The following PTPRD variants were observed in gnomAD, a reference collection of about 807,000 sequenced individuals.
The protein encoded by PTPRD is protein tyrosine phosphatase receptor type D.
In PTPRD, 34 loss-of-function variants were observed where a neutral mutation model predicts 214.5. The ratio of observed to expected loss-of-function variants is 0.16; its 90% CI spans 0.12 to 0.21. The LOEUF (loss-of-function observed/expected upper bound fraction) is 0.21, where lower values mean the gene tolerates loss of function less well. PTPRD is among the 10% of genes least tolerant of loss of function. The pLI, the probability that PTPRD is intolerant of heterozygous loss-of-function variation, is 1.00. For synonymous variants in PTPRD, 1,128 were observed against 845.7 expected, an observed-to-expected ratio of 1.33 and a Z score of -5.79; for missense variants, 2,545 against 2,398.7, an observed-to-expected ratio of 1.06 and a Z score of -1.27.
At chr9:10,135,434 C>T (rs1590265) in intron 3 of PTPRD, among the ~76,000 whole-genome samples, 5 of 152,092 alleles carry the variant, frequency 3.3e-5, no homozygotes, top group South Asian at 2.1e-4. Context: ...TCATCGGATT[C>T]GCCAAGGTCA....
chr9:8,770,485 T>C (rs2095121555), intron 11 of PTPRD, among the ~76,000 whole-genome samples: 1 of 152,184 alleles, frequency 6.6e-6, no homozygotes, highest in South Asian at 2.1e-4. Context: ...TTTCTCTCAT[T>C]AAATATACTC....
At chr9:9,121,820 A>AAAAAT (rs907925335) in intron 10 of PTPRD, among the ~76,000 whole-genome samples, 4 of 152,162 alleles carry the variant, frequency 2.6e-5, no homozygotes, top group African/African-American at 9.7e-5. Flanking sequence ...TAACTTATGG[A>AAAAAT]AAAATAAAAT....
intron 2 of PTPRD, among the ~76,000 whole-genome samples, chr9:10,414,002 T>C (rs1414418388): frequency 6.6e-6 from 1 of 151,782 alleles, no homozygotes; most frequent in Non-Finnish European, 1.5e-5. Flanking sequence ...TATAAAAACC[T>C]TGGAAGACAA....
At chr9:10,141,862 C>A (rs1054511888) in intron 3 of PTPRD, among the ~76,000 whole-genome samples, 3 of 152,258 alleles carry the variant, frequency 2.0e-5, no homozygotes, top group Admixed American at 1.3e-4. Flanking sequence ...TGCTACAAGG[C>A]TACAGTAACC....
chr9:8,413,442 C>T (rs1391999531), intron 35 of PTPRD, among the ~76,000 whole-genome samples: 2 of 152,034 alleles, frequency 1.3e-5, no homozygotes, highest in African/African-American at 2.4e-5. Flanking sequence ...CAGTCTTTGT[C>T]GGAACTCAGA....
At chr9:9,760,483 C>T (rs1366057022) in intron 6 of PTPRD, among the ~76,000 whole-genome samples, 2 of 151,806 alleles carry the variant, frequency 1.3e-5, no homozygotes, top group Non-Finnish European at 2.9e-5. Context: ...TGTTCATAAC[C>T]TTTATTTCTA....
At chr9:10,018,594 C>G (rs1166286353) in intron 4 of PTPRD, among the ~76,000 whole-genome samples, 1 of 116,652 alleles carries the variant, frequency 8.6e-6, no homozygotes, top group Non-Finnish European at 1.6e-5. Context: ...GTCGCCCAGG[C>G]TGGAGTGCAG....
At chr9:9,461,053 T>C (rs1286609677) in intron 8 of PTPRD, among the ~76,000 whole-genome samples, 7 of 152,048 alleles carry the variant, frequency 4.6e-5, no homozygotes, top group Non-Finnish European at 8.8e-5. Context: ...GCCATTATCC[T>C]ACAGGAATAA....
At chr9:8,410,809 C>T (rs552520171) in intron 35 of PTPRD, among the ~76,000 whole-genome samples, 6 of 152,048 alleles carry the variant, frequency 3.9e-5, no homozygotes, top group Admixed American at 6.5e-5. Context: ...ATAACAAATA[C>T]GTATAGAAAA....
intron 5 of PTPRD, among the ~76,000 whole-genome samples, chr9:9,837,242 C>T (rs1218317910): frequency 1.3e-5 from 2 of 152,004 alleles, no homozygotes; most frequent in African/African-American, 4.8e-5. Flanking sequence ...TGGGCATCAT[C>T]CAGGAATACC....
In PTPRD at chr9:8,581,828, C is replaced by T. The variant is rs185704019; in HGVS notation, c.352+51489G>A. On this transcript the variant is annotated intron_variant, in intron 14 of 45. Coordinates refer to ENST00000381196, the MANE Select transcript of PTPRD (RefSeq NM_002839.4). ...GGGGAGGGAAGGGCCCGGTGGCTCACGCCTGTAATCCCAGCATTTGGGGAG... is the reference window on the plus strand; with the variant it reads ...GGGGAGGGAAGGGCCCGGTGGCTCATGCCTGTAATCCCAGCATTTGGGGAG... Among the ~76,000 whole-genome samples the T allele has an allele frequency of 7.4e-3, 1,082 of 145,392 alleles. 5 individuals are homozygous for T. The highest frequency in any genetic ancestry group is 0.012 in the Non-Finnish European group (812 of 66,900).
intron 7 of PTPRD, among the ~76,000 whole-genome samples, chr9:9,638,741 T>G (rs920858569): frequency 1.3e-5 from 2 of 152,180 alleles, no homozygotes; most frequent in African/African-American, 4.8e-5. Context: ...AGTGTGTTTG[T>G]GCTACTATAA....
chr9:9,988,338 G>C (rs546557986), intron 4 of PTPRD, among the ~76,000 whole-genome samples: 1 of 152,198 alleles, frequency 6.6e-6, no homozygotes, highest in South Asian at 2.1e-4. Context: ...TTCTCTATCA[G>C]AAGTTCAGAC....
intron 4 of PTPRD, among the ~76,000 whole-genome samples, chr9:9,972,392 G>C (rs1341354103): frequency 2.0e-5 from 3 of 152,142 alleles, no homozygotes; most frequent in Non-Finnish European, 4.4e-5. Context: ...TTCGGTAACT[G>C]TCATGATAGT....
intron 5 of PTPRD, among the ~76,000 whole-genome samples, chr9:9,825,615 A>C (rs1178751783): frequency 2.0e-5 from 3 of 151,936 alleles, no homozygotes; most frequent in South Asian, 4.1e-4. Flanking sequence ...ACCATTAACT[A>C]GTTGTCTGAA....
At chr9:9,193,909 C>G (rs552650963) in intron 9 of PTPRD, among the ~76,000 whole-genome samples, 96 of 152,136 alleles carry the variant, frequency 6.3e-4, no homozygotes, top group African/African-American at 2.2e-3. Context: ...ATTACTGTAA[C>G]TTTTCTACTT....
chr9:9,430,905 A>G (rs2082831114), intron 8 of PTPRD, among the ~76,000 whole-genome samples: 1 of 152,226 alleles, frequency 6.6e-6, no homozygotes, highest in South Asian at 2.1e-4. Context: ...AATTAATTCA[A>G]GATGGATTAA....
intron 7 of PTPRD, among the ~76,000 whole-genome samples, chr9:9,600,448 T>C (rs2093665046): frequency 6.6e-6 from 1 of 151,904 alleles, no homozygotes; most frequent in East Asian, 1.9e-4. Context: ...CGTTTTAAGG[T>C]TTAGGTACAT....
intron 3 of PTPRD, among the ~76,000 whole-genome samples, chr9:10,182,259 C>CAAAAAAAAAAAAAA (rs3075574): frequency 1.3e-3 from 71 of 54,382 alleles, no homozygotes; most frequent in African/African-American, 2.9e-3. Context: ...GACTCTGCCT[C>CAAAAAAAAAAAAAA]AAAAAAAAAA....
Sources: allele counts gnomAD v4.1 joint callset (sites outside exome capture counted in the v4.1 genomes callset), GRCh38; gene constraint gnomAD v4.1.1; transcripts MANE v1.5; gene names NCBI Gene and HGNC (gene_info 2026-07-23, HGNC 2026-07-21).